The following PRSS23 variants were observed in gnomAD, a reference collection of about 807,000 sequenced individuals.
PRSS23 encodes the protein serine protease 23.
Under a neutral mutation model 34.7 loss-of-function variants are expected in PRSS23, and 25 were observed. That is an observed-to-expected ratio of 0.72 (90% confidence interval 0.53 to 1.01). PRSS23 has a LOEUF of 1.01. PRSS23 is among the 50% of genes least tolerant of loss of function. The pLI is 0.00. For missense variants in PRSS23, 445 were observed against 475.6 expected, an observed-to-expected ratio of 0.94 and a Z score of 0.60; for synonymous variants, 176 against 186.6, an observed-to-expected ratio of 0.94 and a Z score of 0.46.
chr11:86,919,962 C>A (rs1181059270), intron 2 of PRSS23, among the ~76,000 whole-genome samples: 1 of 152,174 alleles, frequency 6.6e-6, no homozygotes, highest in Non-Finnish European at 1.5e-5. Context: ...TGCTTCCCAG[C>A]CTCAACTTGG....
intron 2 of PRSS23, among the ~76,000 whole-genome samples, chr11:86,861,110 C>T (rs185188741): frequency 2.6e-5 from 4 of 151,446 alleles, no homozygotes; most frequent in African/African-American, 9.7e-5. Flanking sequence ...TCGTTAATAC[C>T]CTGTGTGTCC....
chr11:86,867,099 A>G (rs1406990699), intron 2 of PRSS23, among the ~76,000 whole-genome samples: 1 of 152,226 alleles, frequency 6.6e-6, no homozygotes, highest in East Asian at 1.9e-4. Flanking sequence ...GAACCAGGGT[A>G]TCTAATCTAG....
At chr11:86,880,982 C>T (rs1948768857) in intron 2 of PRSS23, among the ~76,000 whole-genome samples, 1 of 152,108 alleles carries the variant, frequency 6.6e-6, no homozygotes, top group Admixed American at 6.5e-5. Flanking sequence ...TGATGTCATC[C>T]ATTAACAGAG....
chr11:86,941,382 C>T (rs867022710), intron 2 of PRSS23, among the ~76,000 whole-genome samples: 7 of 152,144 alleles, frequency 4.6e-5, no homozygotes, highest in African/African-American at 1.4e-4. Context: ...TGTGCTGCAG[C>T]GAACTTCTAG....
At chr11:86,864,768 T>C (rs1015481094) in intron 2 of PRSS23, among the ~76,000 whole-genome samples, 1 of 152,254 alleles carries the variant, frequency 6.6e-6, no homozygotes, top group African/African-American at 2.4e-5. Context: ...CTGGAGGCTC[T>C]AGGAGAGCAC....
At chr11:86,874,776 C>G (rs113057380) in intron 2 of PRSS23, among the ~76,000 whole-genome samples, 38 of 152,302 alleles carry the variant, frequency 2.5e-4, no homozygotes, top group African/African-American at 9.1e-4. Context: ...TGGCTTATCT[C>G]TGCTCCACAA....
chr11:86,840,619 A>G (rs562921536), intron 2 of PRSS23, among the ~76,000 whole-genome samples: 3 of 152,212 alleles, frequency 2.0e-5, no homozygotes, highest in African/African-American at 7.2e-5. Flanking sequence ...CCTAATAGAC[A>G]TCTACAGAAC....
rs568331535 is a variant in PRSS23 at position 86,858,830 on chromosome 11, G to A, written c.206+35237G>A. ...TATAATATTGTTCCTAGTACCCAGG[G>A]AGGGAGAGGATAATATTACATTGAA... On this transcript the variant is annotated intron_variant, in intron 2 of 2. Transcript: ENST00000533902. 1.6e-3 allele frequency among the ~76,000 whole-genome samples: 236 copies of A among 151,744 alleles called. 1 individual carries two copies. Among genetic ancestry groups the A allele is most frequent in the African/African-American group, 5.1e-3 (212 of 41,326 alleles).
At chr11:86,877,555 A>G (rs1003459368) in intron 2 of PRSS23, among the ~76,000 whole-genome samples, 1 of 152,122 alleles carries the variant, frequency 6.6e-6, no homozygotes, top group East Asian at 1.9e-4. Context: ...TATTGTTTGC[A>G]TATGGCTATC....
chr11:86,793,716 AG>A (rs1336035944), intron 1 of PRSS23, among the ~76,000 whole-genome samples: 2 of 152,222 alleles, frequency 1.3e-5, no homozygotes, highest in Non-Finnish European at 2.9e-5. Flanking sequence ...TTAACCAATT[AG>A]AATTTTATTC....
chr11:86,791,338 T>G (rs900576078), intron 1 of PRSS23: 1 of 152,240 alleles, frequency 6.6e-6, no homozygotes, highest in African/African-American at 2.4e-5. Context: ...AACACATGGA[T>G]GATTATTCTT....
chr11:86,857,894 T>C, intron 2 of PRSS23: 2 of 497,372 alleles, frequency 4.0e-6, no homozygotes, highest in South Asian at 1.6e-5. Flanking sequence ...AACAGGTTCC[T>C]CAGCATCGTG....
intron 2 of PRSS23, among the ~76,000 whole-genome samples, chr11:86,931,775 G>A (rs1037984687): frequency 1.2e-4 from 19 of 152,082 alleles, no homozygotes; most frequent in African/African-American, 4.3e-4. Context: ...CTAAAGTGCT[G>A]GGATTACAGG....
At chr11:86,795,797 T>C (rs142404377), upstream of PRSS23, among the ~76,000 whole-genome samples, 549 of 152,348 alleles carry the variant, frequency 3.6e-3, 1 homozygote, top group Non-Finnish European at 5.5e-3. Context: ...TTTATTATTA[T>C]CAAAGAAATA....
chr11:86,887,817 C>T (rs1445939640), intron 2 of PRSS23, among the ~76,000 whole-genome samples: 4 of 152,018 alleles, frequency 2.6e-5, no homozygotes, highest in East Asian at 1.9e-4. Context: ...TTTGGGAGGC[C>T]GAGGTGGGCA....
chr11:86,831,005 C>A (rs1044730669), intron 2 of PRSS23, among the ~76,000 whole-genome samples: 1 of 151,960 alleles, frequency 6.6e-6, no homozygotes, highest in African/African-American at 2.4e-5. Flanking sequence ...GCGTGTACAC[C>A]CAGTGATATT....
chr11:86,847,762 G>A (rs907120623), intron 2 of PRSS23, among the ~76,000 whole-genome samples: 4 of 152,184 alleles, frequency 2.6e-5, no homozygotes, highest in African/African-American at 9.6e-5. Context: ...GGCCCCCTGA[G>A]GGATGTATTA....
chr11:86,943,506 C>A (rs974161383), intron 2 of PRSS23, among the ~76,000 whole-genome samples: 2 of 151,960 alleles, frequency 1.3e-5, no homozygotes, highest in African/African-American at 4.8e-5. Context: ...TGCCTGTAAT[C>A]CCAGCTACTC....
intron 2 of PRSS23, among the ~76,000 whole-genome samples, chr11:86,883,272 C>T (rs1162243331): frequency 6.6e-6 from 1 of 152,194 alleles, no homozygotes; most frequent in African/African-American, 2.4e-5. Context: ...ACCAAAACAG[C>T]ATGGTACTGG....
Sources: gnomAD v4.1 joint callset for allele counts (sites outside exome capture counted in the v4.1 genomes callset) on GRCh38, gnomAD v4.1.1 for gene constraint, MANE v1.5 for transcripts, NCBI Gene and HGNC (gene_info 2026-07-23, HGNC 2026-07-21) for gene names.